Variants in GPSM2 observed in about 807,000 individuals in gnomAD.
GPSM2 encodes the protein G protein signaling modulator 2.
Under a neutral mutation model 78.4 loss-of-function variants are expected in GPSM2, and 58 were observed. The observed-to-expected ratio is 0.74, with a 90% CI of 0.60 to 0.92. GPSM2 has a LOEUF of 0.92. Among genes scored for constraint, GPSM2 ranks in the 40% least tolerant of loss-of-function variants. GPSM2 has a pLI of 0.00. For synonymous variants in GPSM2, 224 were observed against 280.2 expected (o/e 0.80, Z 2.00); for missense variants, 700 against 815.5 (o/e 0.86, Z 1.73).
intron 10 of GPSM2, among the ~76,000 whole-genome samples, chr1:108,911,443 C>T (rs1324337903): frequency 6.6e-6 from 1 of 152,122 alleles, no homozygotes; most frequent in Admixed American, 6.5e-5. Flanking sequence ...GGAAGAATGT[C>T]TTGAACCCAG....
intron 2 of GPSM2, 122 bp from the exon 3 acceptor site, chr1:108,896,740 CTT>C: frequency 1.3e-6 from 1 of 789,344 alleles, no homozygotes; most frequent in Non-Finnish European, 2.3e-6. Flanking sequence ...TGTATATAAA[CTT>C]CAGTTATAGA....
chr1:108,924,233 T>C lies in GPSM2; in HGVS notation c.1815+19T>C. The stretch of plus-strand genomic sequence containing the variant: ...ATGTCAAGTATGTCTGTATATTTTT[T>C]TCGTTCTGCATACAGCTCAGATACC... On this transcript the variant is annotated intron_variant, in intron 14 of 14. Coordinates refer to ENST00000264126, the MANE Select transcript of GPSM2 (RefSeq NM_013296.5). 1 of 1,511,110 alleles carries C rather than the reference T, an allele frequency of 6.6e-7. No individual in the cohort carries two copies. The allele number at this position is 1,511,110 out of a possible 1,614,324, so 93.6% of individuals were successfully genotyped here.
chr1:108,891,755 C>T (rs1295658335), intron 2 of GPSM2, among the ~76,000 whole-genome samples: 4 of 151,556 alleles, frequency 2.6e-5, no homozygotes, highest in Non-Finnish European at 5.9e-5. Flanking sequence ...TCCACCCCCC[C>T]TTAGCCTCCC....
At chr1:108,893,888 C>G (rs1387970675) in intron 2 of GPSM2, among the ~76,000 whole-genome samples, 1 of 151,966 alleles carries the variant, frequency 6.6e-6, no homozygotes, top group Non-Finnish European at 1.5e-5. Context: ...AACCCCATCT[C>G]TACTAAAAAT....
chr1:108,923,905 C>T lies in GPSM2; in HGVS notation c.1601-95C>T, dbSNP rs891211138. 12 of 905,086 alleles carry T rather than the reference C, an allele frequency of 1.3e-5. No individual in the cohort carries two copies. The South Asian group carries it at 1.4e-4, about 10-fold the overall frequency. The allele number at this position is 905,086 out of a possible 1,614,324, so 56.1% of individuals were successfully genotyped here. A position where few individuals can be genotyped will look rare whatever the true frequency, so the allele number is the denominator to read the frequency against. ...GGGCGGGTCTTGGGACTGGCAAGGCCGAAAAGATCTAGGTATATAATAAAT... is the reference window on the plus strand; with the variant it reads ...GGGCGGGTCTTGGGACTGGCAAGGCTGAAAAGATCTAGGTATATAATAAAT... On this transcript the variant is annotated intron_variant, in intron 13 of 14. Coordinates refer to ENST00000264126, the MANE Select transcript of GPSM2 (RefSeq NM_013296.5).
chr1:108,925,698 A>G (rs1651066776), intron 14 of GPSM2, among the ~76,000 whole-genome samples: 1 of 152,168 alleles, frequency 6.6e-6, no homozygotes, highest in African/African-American at 2.4e-5. Flanking sequence ...TTCCAGTGGC[A>G]TGGTGGGGAC....
At chr1:108,884,674 G>A (rs1647391166) in intron 1 of GPSM2, among the ~76,000 whole-genome samples, 1 of 152,118 alleles carries the variant, frequency 6.6e-6, no homozygotes, top group East Asian at 1.9e-4. Context: ...TTAAAGGCAG[G>A]TAATGTTCTT....
Position 108,914,321 on chromosome 1 carries a change from A to T in GPSM2, c.1193-17A>T. The T allele has an allele frequency of 1.3e-6, 2 of 1,570,836 alleles. No homozygotes were observed. Among genetic ancestry groups the T allele is most frequent in the Non-Finnish European group, 1.8e-6 (2 of 1,140,874 alleles). ...AGGGCTCCCTGGTTTATTTGAATTA[A>T]TTTTTTTTAAACAAAGGTGTACGCC... On this transcript the variant is annotated splice_polypyrimidine_tract_variant and intron_variant, in intron 10 of 14. Coordinates refer to ENST00000264126, the MANE Select transcript of GPSM2 (RefSeq NM_013296.5).
At chr1:108,925,183 T>C (rs1290122920) in intron 14 of GPSM2, among the ~76,000 whole-genome samples, 1 of 152,288 alleles carries the variant, frequency 6.6e-6, no homozygotes, top group East Asian at 1.9e-4. Flanking sequence ...GAAATGGAGA[T>C]GACTAGAAGA....
At position 108,929,664 on chromosome 1, in the gene GPSM2, C is replaced by T. The variant is rs752155776; in HGVS notation, c.1816-37C>T. On this transcript the variant is annotated intron_variant, in intron 14 of 14. Transcript: ENST00000264126. ...TAACATAGCTTGGTGCTTTCTTTCC[C>T]ACAGTATGTCTTTTAATCTCTCTCA... 1.2e-5 allele frequency: 20 copies of T among 1,604,192 alleles called. No homozygotes were observed. In the African/African-American group the frequency reaches 2.1e-4, roughly 17 times the overall value.
rs14209 is a variant in GPSM2, at chr1:108,930,299, T to G, written c.*359T>G. The G allele has an allele frequency of 0.04, 7,424 of 187,358 alleles. 204 individuals are homozygous for G. The highest frequency in any genetic ancestry group is 0.085 in the Middle Eastern group (36 of 424). 11.6% of individuals were successfully genotyped at this position (187,358 alleles called of 1,614,324 possible). Reference sequence around the variant, plus strand: ...TTTAACATCTTAATTGACAATGGCGTTTTTTTATACATAACCATGGATGTA... The same window carrying G: ...TTTAACATCTTAATTGACAATGGCGGTTTTTTATACATAACCATGGATGTA... On this transcript the variant is annotated 3_prime_UTR_variant, in exon 15 of 15. Transcript: ENST00000264126.
At chr1:108,902,017 T>C in intron 8 of GPSM2, 72 bp downstream of exon 8, 1 of 1,094,574 alleles carries the variant, frequency 9.1e-7, no homozygotes. Context: ...GAATTTTTCC[T>C]TTGTTTCTTT....
chr1:108,920,778 A>G (rs1276589309), intron 12 of GPSM2, among the ~76,000 whole-genome samples: 1 of 152,160 alleles, frequency 6.6e-6, no homozygotes, highest in African/African-American at 2.4e-5. Context: ...AATTCAAGGA[A>G]GCCATGCCTT....
At chr1:108,880,688 C>T (rs1481490009) in intron 1 of GPSM2, among the ~76,000 whole-genome samples, 3 of 152,176 alleles carry the variant, frequency 2.0e-5, no homozygotes, top group Non-Finnish European at 2.9e-5. Context: ...ATGACTGGAC[C>T]ATCGTTGGTA....
intron 8 of GPSM2, among the ~76,000 whole-genome samples, chr1:108,902,250 G>A (rs1055985606): frequency 5.9e-5 from 9 of 151,914 alleles, no homozygotes; most frequent in East Asian, 1.9e-4. Flanking sequence ...GTGTGGTGGC[G>A]CACGCTTGTA....
intron 2 of GPSM2, among the ~76,000 whole-genome samples, chr1:108,893,734 TC>T (rs1648141317): frequency 6.6e-6 from 1 of 152,192 alleles, no homozygotes; most frequent in Admixed American, 6.5e-5. Flanking sequence ...TTCAGGTACT[TC>T]ATCTAGCAAA....
chr1:108,899,003 A>C lies in GPSM2; in HGVS notation c.797+9A>C. ...GCCTCGGAATACTACAAGTTAGTCT[A>C]ATATTTCTGTAGATAAATGTAAAAT... On this transcript the variant is annotated intron_variant, in intron 7 of 14. Transcript: ENST00000264126. 1 of 1,383,756 alleles carries C rather than the reference A, an allele frequency of 7.2e-7. No homozygotes were observed. Among genetic ancestry groups the C allele is most frequent in the Non-Finnish European group, 1.0e-6 (1 of 970,868 alleles). The allele number at this position is 1,383,756 out of a possible 1,614,324, so 85.7% of individuals were successfully genotyped here. A position where few individuals can be genotyped will look rare whatever the true frequency, so the allele number is the denominator to read the frequency against.
At chr1:108,910,330 T>C (rs1649632657) in intron 10 of GPSM2, among the ~76,000 whole-genome samples, 1 of 152,196 alleles carries the variant, frequency 6.6e-6, no homozygotes. Context: ...CCTAGATGAT[T>C]GTACAAGTGA....
At chr1:108,879,794 G>A (rs950609898) in intron 1 of GPSM2, among the ~76,000 whole-genome samples, 2 of 152,012 alleles carry the variant, frequency 1.3e-5, no homozygotes, top group African/African-American at 4.8e-5. Context: ...CAGCCCGGGT[G>A]ACAGATCAAG....
Sources: gnomAD v4.1 joint callset for allele counts (sites outside exome capture counted in the v4.1 genomes callset) on GRCh38, gnomAD v4.1.1 for gene constraint, MANE v1.5 for transcripts, NCBI Gene and HGNC (gene_info 2026-07-23, HGNC 2026-07-21) for gene names.